RAB12: variants seen among roughly 807,000 people sequenced by gnomAD.
RAB12 encodes the protein ras-related protein Rab-12.
A neutral mutation model predicts 28.4 loss-of-function variants in RAB12; 11 were observed. That is an observed-to-expected ratio of 0.39 (90% CI 0.24 to 0.64). The LOEUF (loss-of-function observed/expected upper bound fraction) is 0.64. RAB12 is among the 30% of genes least tolerant of loss of function. RAB12 has a pLI of 0.50. For synonymous variants in RAB12, 138 were observed against 145.3 expected (o/e 0.95, Z 0.36); for missense variants, 276 against 351.1 (o/e 0.79, Z 1.71).
intron 2 of RAB12, among the ~76,000 whole-genome samples, chr18:8,627,959 C>T (rs7505175): frequency 0.32 from 48,823 of 152,034 alleles, 8,962 homozygotes; most frequent in East Asian, 0.62. Flanking sequence ...ATTCTCCAAG[C>T]GTTGTTGTAT....
chr18:8,612,399 C>T (rs2096004323), intron 1 of RAB12, among the ~76,000 whole-genome samples: 1 of 152,240 alleles, frequency 6.6e-6, no homozygotes. Context: ...GAGCAGTTAG[C>T]TCCCGGGGTT....
intron 1 of RAB12, 79 bp downstream of exon 1, chr18:8,610,032 C>T (rs1200590499): frequency 8.8e-7 from 1 of 1,138,136 alleles, no homozygotes; most frequent in Non-Finnish European, 1.3e-6. Context: ...CTTCGAGTCT[C>T]ATCGAGCCTG....
At chr18:8,634,796 A>T (rs2096017966) in intron 3 of RAB12, among the ~76,000 whole-genome samples, 1 of 152,200 alleles carries the variant, frequency 6.6e-6, no homozygotes, top group Admixed American at 6.5e-5. Flanking sequence ...CGGCCACACC[A>T]TTCAGGTTCC....
At chr18:8,615,189 G>A (rs961641626) in intron 1 of RAB12, among the ~76,000 whole-genome samples, 5 of 152,158 alleles carry the variant, frequency 3.3e-5, no homozygotes, top group Admixed American at 2.6e-4. Context: ...TCCGAGAAAC[G>A]GGTGAGTGTG....
intron 2 of RAB12, among the ~76,000 whole-genome samples, chr18:8,627,192 G>A (rs1410157019): frequency 6.6e-6 from 1 of 152,222 alleles, no homozygotes; most frequent in Non-Finnish European, 1.5e-5. Flanking sequence ...GGTGTAACCT[G>A]CTTTGTTGTG....
At chr18:8,611,108 T>C (rs2096003544) in intron 1 of RAB12, among the ~76,000 whole-genome samples, 1 of 152,174 alleles carries the variant, frequency 6.6e-6, no homozygotes. Context: ...TTGGAATAGA[T>C]CATTTTGGAA....
At chr18:8,633,121 T>A (rs1361811452) in intron 2 of RAB12, 68 bp from the exon 3 acceptor site, 1 of 1,585,024 alleles carries the variant, frequency 6.3e-7, no homozygotes, top group African/African-American at 1.3e-5. Flanking sequence ...AATCTATGTT[T>A]GCATTGGAAT....
rs2096020347 is a variant in RAB12, at chr18:8,638,637, CT to C, written c.*377del. ...TGATAAGAGAGAACGTGGTGCTTTG[CT>C]TACCGTTTTAAAGAAAATTTGTAAA... On this transcript the variant is annotated 3_prime_UTR_variant, in exon 6 of 6. Transcript: ENST00000649141. The C allele has an allele frequency of 1.3e-5, 2 of 155,828 alleles. No homozygotes were observed. The highest frequency in any genetic ancestry group is 6.5e-5 in the Admixed American group (1 of 15,492). The allele number at this position is 155,828 out of a possible 1,614,324, so 9.7% of individuals were successfully genotyped here. A position where few individuals can be genotyped will look rare whatever the true frequency, so the allele number is the denominator to read the frequency against.
chr18:8,633,008 T>C, intron 2 of RAB12, 181 bp from the exon 3 acceptor site: 1 of 641,358 alleles, frequency 1.6e-6, no homozygotes, highest in Non-Finnish European at 2.7e-6. Context: ...TGTCATAGTT[T>C]TAGTCAACCT....
chr18:8,615,873 C>A (rs933646211), intron 1 of RAB12, among the ~76,000 whole-genome samples: 1 of 152,160 alleles, frequency 6.6e-6, no homozygotes, highest in Admixed American at 6.5e-5. Context: ...TTTTATTATG[C>A]ATGACAGAGA....
At chr18:8,633,709 G>A (rs916185932) in intron 3 of RAB12, among the ~76,000 whole-genome samples, 2 of 152,148 alleles carry the variant, frequency 1.3e-5, no homozygotes, top group Non-Finnish European at 2.9e-5. Context: ...CCTTCTCCAC[G>A]GTGCCTGCGG....
chr18:8,614,364 A>C (rs1486969901), intron 1 of RAB12, among the ~76,000 whole-genome samples: 1 of 152,188 alleles, frequency 6.6e-6, no homozygotes, highest in Admixed American at 6.5e-5. Flanking sequence ...ACATACCAAA[A>C]TAGGTATATT....
chr18:8,618,028 A>C (rs2096007618), intron 1 of RAB12, among the ~76,000 whole-genome samples: 1 of 152,202 alleles, frequency 6.6e-6, no homozygotes, highest in Admixed American at 6.5e-5. Flanking sequence ...GAATTCTCAT[A>C]CGTGTGTACA....
At chr18:8,615,678 A>G (rs1356181558) in intron 1 of RAB12, among the ~76,000 whole-genome samples, 5 of 152,216 alleles carry the variant, frequency 3.3e-5, no homozygotes, top group Admixed American at 6.5e-5. Context: ...TTATTTAATG[A>G]ACTTAATGCA....
At chr18:8,616,803 C>T (rs9989552) in intron 1 of RAB12, among the ~76,000 whole-genome samples, 2 of 151,944 alleles carry the variant, frequency 1.3e-5, no homozygotes, top group Non-Finnish European at 2.9e-5. Flanking sequence ...GTGGTGCACA[C>T]CTGTGGTCCC....
chr18:8,615,087 C>A (rs997346761), intron 1 of RAB12, among the ~76,000 whole-genome samples: 1 of 152,142 alleles, frequency 6.6e-6, no homozygotes, highest in Non-Finnish European at 1.5e-5. Context: ...GGTGGGGCCT[C>A]GGCCTGAGAC....
chr18:8,611,602 G>A (rs546513302), intron 1 of RAB12, among the ~76,000 whole-genome samples: 1 of 152,294 alleles, frequency 6.6e-6, no homozygotes, highest in Non-Finnish European at 1.5e-5. Context: ...GCCATGCTAA[G>A]GAGAATGGAC....
intron 2 of RAB12, among the ~76,000 whole-genome samples, chr18:8,626,249 G>T (rs535132428): frequency 3.3e-5 from 5 of 152,312 alleles, no homozygotes; most frequent in African/African-American, 1.2e-4. Context: ...AAAGTGTTTG[G>T]CACACAAGCT....
At chr18:8,610,433 A>G (rs1332708727) in intron 1 of RAB12, among the ~76,000 whole-genome samples, 1 of 152,240 alleles carries the variant, frequency 6.6e-6, no homozygotes, top group African/African-American at 2.4e-5. Flanking sequence ...AAAGTCACCT[A>G]TGGAGAATGT....
Sources: allele counts gnomAD v4.1 joint callset (sites outside exome capture counted in the v4.1 genomes callset), GRCh38; gene constraint gnomAD v4.1.1; transcripts MANE v1.5; gene names NCBI Gene and HGNC (gene_info 2026-07-23, HGNC 2026-07-21).